The following PCDH11X variants were observed in gnomAD, a reference collection of about 807,000 sequenced individuals.
PCDH11X encodes protocadherin-11 X-linked.
In PCDH11X, 18 loss-of-function variants were observed where a neutral mutation model predicts 53.3. That is an observed-to-expected ratio of 0.34 (90% CI 0.23 to 0.50). PCDH11X has a LOEUF of 0.50. Ranked by LOEUF, PCDH11X falls within the 20% of genes least tolerant of loss-of-function variation. The pLI, the probability that PCDH11X is intolerant of heterozygous loss-of-function variation, is 0.98. For missense variants in PCDH11X, 570 were observed against 1,032.4 expected (o/e 0.55, Z 6.14); for synonymous variants, 279 against 393.3 (o/e 0.71, Z 3.44).
At chrX:92,311,640 A>G (rs2068952503) in intron 8 of PCDH11X, among the ~76,000 whole-genome samples, 2 of 111,005 alleles carry the variant, frequency 1.8e-5, no homozygotes, top group South Asian at 7.4e-4. Flanking sequence ...AGAATGAAAT[A>G]TAATTAAATG....
intron 5 of PCDH11X, among the ~76,000 whole-genome samples, chrX:91,865,130 T>C (rs1452915005): frequency 9.0e-6 from 1 of 110,628 alleles, no homozygotes; most frequent in African/African-American, 3.3e-5. Context: ...TACTCTTCAC[T>C]GTCTGGAATT....
chrX:92,391,841 A>G (rs1334796250), intron 9 of PCDH11X, among the ~76,000 whole-genome samples: 1 of 111,369 alleles, frequency 9.0e-6, no homozygotes, highest in Non-Finnish European at 1.9e-5. Flanking sequence ...TGGAAGAGAT[A>G]AAATAGCCAT....
intron 1 of PCDH11X, among the ~76,000 whole-genome samples, chrX:91,783,388 G>A (rs1300296441): frequency 8.9e-6 from 1 of 111,816 alleles, no homozygotes; most frequent in Non-Finnish European, 1.9e-5. Flanking sequence ...TCTGAAGGAC[G>A]TCCAGGTAAT....
intron 9 of PCDH11X, among the ~76,000 whole-genome samples, chrX:92,407,922 G>C: frequency 9.2e-6 from 1 of 108,822 alleles, no homozygotes; most frequent in East Asian, 2.9e-4. Flanking sequence ...GTCTTGTTCT[G>C]TTGCCCAGGC....
intron 5 of PCDH11X, among the ~76,000 whole-genome samples, chrX:91,841,440 G>T (rs1397209160): frequency 9.0e-6 from 1 of 111,230 alleles, no homozygotes; most frequent in Non-Finnish European, 1.9e-5. Context: ...CTCACATCAT[G>T]CCTCTTAACT....
At chrX:92,110,542 AG>A (rs35635561) in intron 6 of PCDH11X, among the ~76,000 whole-genome samples, 6,170 of 109,108 alleles carry the variant, frequency 0.057, 479 homozygotes, top group African/African-American at 0.2. Flanking sequence ...TACATAAACA[AG>A]GGGGGGGCAG....
At chrX:91,919,472 A>G (rs1941675788) in intron 6 of PCDH11X, among the ~76,000 whole-genome samples, 1 of 111,853 alleles carries the variant, frequency 8.9e-6, no homozygotes, top group African/African-American at 3.2e-5. Flanking sequence ...ACATTAATGC[A>G]TCAGGCTGAT....
At chrX:91,892,244 C>T (rs1940523632) in intron 6 of PCDH11X, among the ~76,000 whole-genome samples, 1 of 106,379 alleles carries the variant, frequency 9.4e-6, no homozygotes, top group Non-Finnish European at 1.9e-5. Flanking sequence ...GTTGCCATTT[C>T]CTTTTTCCAG....
chrX:92,135,912 G>A (rs1320200801), intron 6 of PCDH11X, among the ~76,000 whole-genome samples: 1 of 110,674 alleles, frequency 9.0e-6, no homozygotes, highest in East Asian at 2.8e-4. Flanking sequence ...TAGCAGAGTC[G>A]AGAACACACA....
At chrX:92,217,601 A>C (rs1370691893) in intron 7 of PCDH11X, among the ~76,000 whole-genome samples, 2 of 98,958 alleles carry the variant, frequency 2.0e-5, no homozygotes, top group Non-Finnish European at 4.1e-5. Context: ...CACAATAATA[A>C]TGGGAGGCTT....
At chrX:92,401,430 A>C (rs79145642) in intron 9 of PCDH11X, among the ~76,000 whole-genome samples, 1 of 111,156 alleles carries the variant, frequency 9.0e-6, no homozygotes, top group African/African-American at 3.3e-5. Context: ...ACATGGCAGC[A>C]CAATTTTGTT....
chrX:92,202,164 T>C (rs1417568284), intron 7 of PCDH11X, among the ~76,000 whole-genome samples: 1 of 111,734 alleles, frequency 8.9e-6, no homozygotes, highest in African/African-American at 3.3e-5. Context: ...CTTGATTTTT[T>C]GTTGGGATGG....
At chrX:92,055,610 T>C (rs1321293030) in intron 6 of PCDH11X, among the ~76,000 whole-genome samples, 10 of 110,792 alleles carry the variant, frequency 9.0e-5, no homozygotes, top group Admixed American at 5.8e-4. Context: ...GTTTGTAACA[T>C]AGGTAAACTT....
intron 7 of PCDH11X, among the ~76,000 whole-genome samples, chrX:92,238,458 G>A (rs750932606): frequency 8.1e-5 from 9 of 110,974 alleles, no homozygotes; most frequent in African/African-American, 2.3e-4. Flanking sequence ...GACTAATTTG[G>A]GTGCATTACA....
chrX:92,501,971 C>T, intron 10 of PCDH11X, among the ~76,000 whole-genome samples: 1 of 110,756 alleles, frequency 9.0e-6, no homozygotes, highest in South Asian at 3.8e-4. Flanking sequence ...TAGAAAAGCC[C>T]ATAGTCTCAG....
At chrX:92,226,213 A>T (rs2066968399) in intron 7 of PCDH11X, among the ~76,000 whole-genome samples, 1 of 112,197 alleles carries the variant, frequency 8.9e-6, no homozygotes, top group South Asian at 3.7e-4. Context: ...TTATAGTTTT[A>T]TGTTACATGG....
rs1207092680 is a variant in PCDH11X at position 92,023,624 on chromosome X, C to T, written c.3033+144351C>T. ...GGTACCATTCCTTCTGAAACCATTC[C>T]AAACAATTGTAAAGGAGGGACTCCT... On this transcript the variant is annotated intron_variant, in intron 6 of 10. Transcript: ENST00000682573. 3.8e-5 allele frequency among the ~76,000 whole-genome samples: 4 copies of T among 106,013 alleles called. No individual in the cohort carries two copies. The East Asian group carries it at 1.2e-3, about 32-fold the overall frequency. 92.1% of individuals were successfully genotyped at this position (106,013 alleles called of 115,157 possible). A position where few individuals can be genotyped will look rare whatever the true frequency, so the allele number is the denominator to read the frequency against.
chrX:92,608,541 T>C (rs1020971119), intron 10 of PCDH11X, among the ~76,000 whole-genome samples: 1 of 110,630 alleles, frequency 9.0e-6, no homozygotes, highest in Non-Finnish European at 1.9e-5. Flanking sequence ...TTTCCACACA[T>C]AATTTTCAAA....
intron 6 of PCDH11X, among the ~76,000 whole-genome samples, chrX:92,077,669 G>GAAGA (rs2063797210): frequency 9.5e-6 from 1 of 105,326 alleles, no homozygotes; most frequent in East Asian, 3.0e-4. Context: ...AGGAAGGAAG[G>GAAGA]ACAGACATCA....
Sources: allele counts gnomAD v4.1 joint callset (sites outside exome capture counted in the v4.1 genomes callset), GRCh38; gene constraint gnomAD v4.1.1; transcripts MANE v1.5; gene names NCBI Gene and HGNC (gene_info 2026-07-23, HGNC 2026-07-21).